Variants in THSD7B observed in about 807,000 individuals in gnomAD.
THSD7B encodes the protein thrombospondin type-1 domain-containing protein 7B.
A neutral mutation model predicts 213.6 loss-of-function variants in THSD7B; 138 were observed. That is an observed-to-expected ratio of 0.65 (90% CI 0.56 to 0.74). THSD7B has a LOEUF of 0.74. THSD7B is among the 30% of genes least tolerant of loss of function. The pLI is 0.00. For missense variants in THSD7B, 1,931 were observed against 1,991.5 expected (o/e 0.97, Z 0.58); for synonymous variants, 742 against 687.0 (o/e 1.08, Z -1.25).
chr2:136,928,428 A>G (rs956253967), intron 2 of THSD7B, among the ~76,000 whole-genome samples: 6 of 152,176 alleles, frequency 3.9e-5, no homozygotes, highest in Non-Finnish European at 7.4e-5. Context: ...AAGCATTTGT[A>G]TAGCGTTTGT....
At chr2:137,312,565 C>A (rs1301180610) in intron 12 of THSD7B, among the ~76,000 whole-genome samples, 1 of 151,522 alleles carries the variant, frequency 6.6e-6, no homozygotes, top group Non-Finnish European at 1.5e-5. Context: ...AATGTGTTTG[C>A]CCTTGCTTTT....
At chr2:137,116,806 G>A (rs1473268493) in intron 5 of THSD7B, among the ~76,000 whole-genome samples, 3 of 152,118 alleles carry the variant, frequency 2.0e-5, no homozygotes, top group Admixed American at 1.3e-4. Context: ...GTGGGGGTAC[G>A]GGTGGAATAG....
chr2:137,269,636 A>G (rs1288225013), intron 10 of THSD7B, among the ~76,000 whole-genome samples: 1 of 152,326 alleles, frequency 6.6e-6, no homozygotes, highest in East Asian at 1.9e-4. Context: ...GGCTAAACAG[A>G]GATAATACAG....
At chr2:137,554,475 C>T (rs1680911546) in intron 15 of THSD7B, among the ~76,000 whole-genome samples, 1 of 152,102 alleles carries the variant, frequency 6.6e-6, no homozygotes, top group Non-Finnish European at 1.5e-5. Flanking sequence ...AGCATATTGA[C>T]TCAGTATTAT....
chr2:137,130,958 A>G (rs1272456207), intron 5 of THSD7B, among the ~76,000 whole-genome samples: 1 of 151,728 alleles, frequency 6.6e-6, no homozygotes. Flanking sequence ...CGCCACACTG[A>G]CTTCTAAAAT....
rs942985984 is a variant in THSD7B, at chr2:137,620,814, T to C, written c.3799+88T>C. On this transcript the variant is annotated intron_variant, in intron 20 of 27. Transcript: ENST00000409968. ...ATAGCTTGATAAATGGCATAAGGTATGGGACCCAGCTGAAGTCAATATGAA... is the reference window on the plus strand; with the variant it reads ...ATAGCTTGATAAATGGCATAAGGTACGGGACCCAGCTGAAGTCAATATGAA... The C allele has an allele frequency of 2.1e-5, 24 of 1,152,254 alleles. No homozygotes were observed. In the Admixed American group the frequency reaches 4.7e-4, roughly 23 times the overall value. The allele number at this position is 1,152,254 out of a possible 1,614,324, so 71.4% of individuals were successfully genotyped here.
chr2:137,449,454 T>C (rs1232045377), intron 14 of THSD7B, among the ~76,000 whole-genome samples: 1 of 152,262 alleles, frequency 6.6e-6, no homozygotes. Flanking sequence ...ACAGCTTCTC[T>C]GGATTCTCTG....
intron 9 of THSD7B, among the ~76,000 whole-genome samples, chr2:137,236,618 A>G (rs1032868931): frequency 6.6e-5 from 10 of 152,218 alleles, no homozygotes; most frequent in African/African-American, 2.2e-4. Flanking sequence ...TAATGTGAAA[A>G]CAACTGGCAT....
intron 17 of THSD7B, among the ~76,000 whole-genome samples, chr2:137,586,941 G>T (rs1681745820): frequency 6.6e-6 from 1 of 152,158 alleles, no homozygotes. Context: ...TTTCCAACTT[G>T]GTTCCATTCT....
chr2:137,514,814 AGG>A (rs1680036145), intron 15 of THSD7B, among the ~76,000 whole-genome samples: 1 of 152,212 alleles, frequency 6.6e-6, no homozygotes, highest in Non-Finnish European at 1.5e-5. Flanking sequence ...GTGAGAGTCA[AGG>A]TGTTTGGTGA....
intron 2 of THSD7B, among the ~76,000 whole-genome samples, chr2:136,993,030 C>T (rs921021381): frequency 2.0e-5 from 3 of 152,184 alleles, no homozygotes; most frequent in South Asian, 2.1e-4. Context: ...CTCATGCTCT[C>T]GCACTGGAGC....
chr2:137,498,335 CTT>C (rs10535733), intron 15 of THSD7B, among the ~76,000 whole-genome samples: 89,295 of 146,426 alleles, frequency 0.61, 28,280 homozygotes, highest in East Asian at 0.72. Context: ...ACAGTAAAGT[CTT>C]TTTTTTTTTT....
chr2:137,078,662 T>TA (rs1207095008), intron 3 of THSD7B, among the ~76,000 whole-genome samples: 1 of 152,058 alleles, frequency 6.6e-6, no homozygotes. Flanking sequence ...TATGTATATA[T>TA]TTTTTTCATT....
At chr2:137,384,616 A>T (rs1057044967) in intron 12 of THSD7B, among the ~76,000 whole-genome samples, 1 of 152,164 alleles carries the variant, frequency 6.6e-6, no homozygotes, top group Non-Finnish European at 1.5e-5. Context: ...TCTCCTGTTT[A>T]GAATCTTGAG....
chr2:136,910,733 G>T (rs1438881106), intron 2 of THSD7B, among the ~76,000 whole-genome samples: 1 of 151,828 alleles, frequency 6.6e-6, no homozygotes, highest in Non-Finnish European at 1.5e-5. Context: ...TACTTTGCTG[G>T]TTTTGCTATT....
At chr2:137,337,596 G>C (rs191726922) in intron 12 of THSD7B, among the ~76,000 whole-genome samples, 109 of 152,106 alleles carry the variant, frequency 7.2e-4, no homozygotes, top group African/African-American at 2.6e-3. Context: ...GACTATAAAA[G>C]CATCCTGTTT....
At chr2:137,374,821 G>A (rs1013639214) in intron 12 of THSD7B, among the ~76,000 whole-genome samples, 16 of 152,098 alleles carry the variant, frequency 1.1e-4, no homozygotes, top group African/African-American at 3.9e-4. Flanking sequence ...AGATCATCCA[G>A]GTCCAGCTCA....
intron 2 of THSD7B, among the ~76,000 whole-genome samples, chr2:137,022,997 T>C (rs1686473540): frequency 6.6e-6 from 1 of 152,138 alleles, no homozygotes; most frequent in Admixed American, 6.6e-5. Flanking sequence ...TCCCTGGTAA[T>C]GAATACAAAC....
At chr2:137,250,077 C>T (rs1392590314) in intron 10 of THSD7B, among the ~76,000 whole-genome samples, 1 of 152,144 alleles carries the variant, frequency 6.6e-6, no homozygotes, top group Non-Finnish European at 1.5e-5. Context: ...CATTGTCTGT[C>T]CTGGTGCTCC....
Sources: allele counts gnomAD v4.1 joint callset (sites outside exome capture counted in the v4.1 genomes callset), GRCh38; gene constraint gnomAD v4.1.1; transcripts MANE v1.5; gene names NCBI Gene and HGNC (gene_info 2026-07-23, HGNC 2026-07-21).